Variants in DCC observed in about 807,000 individuals in gnomAD.
DCC encodes netrin receptor DCC.
A neutral mutation model predicts 172.5 loss-of-function variants in DCC; 58 were observed. That is an observed-to-expected ratio of 0.34 (90% confidence interval 0.27 to 0.42). DCC has a LOEUF of 0.42. Ranked by LOEUF, DCC falls within the 10% of genes least tolerant of loss-of-function variation. The pLI is 1.00. For synonymous variants in DCC, 709 were observed against 644.5 expected, an observed-to-expected ratio of 1.10 and a Z score of -1.52; for missense variants, 1,740 against 1,791.0, an observed-to-expected ratio of 0.97 and a Z score of 0.51.
intron 7 of DCC, among the ~76,000 whole-genome samples, chr18:53,118,878 G>A (rs1028248953): frequency 4.0e-5 from 6 of 151,662 alleles, no homozygotes; most frequent in South Asian, 2.1e-4. Context: ...TAATACACCC[G>A]TAAGGTAGAA....
At chr18:53,300,300 T>C (rs1028165098) in intron 12 of DCC, among the ~76,000 whole-genome samples, 7 of 152,174 alleles carry the variant, frequency 4.6e-5, no homozygotes, top group Admixed American at 2.0e-4. Context: ...AGTTGCCAAA[T>C]GTCCACGTTC....
chr18:53,522,259 C>T (rs981179871), intron 27 of DCC, among the ~76,000 whole-genome samples: 4 of 151,070 alleles, frequency 2.6e-5, no homozygotes, highest in Non-Finnish European at 2.9e-5. Flanking sequence ...CCAGGAACAC[C>T]GTGGTTATAG....
chr18:52,728,414 T>G (rs2036586548), intron 1 of DCC, among the ~76,000 whole-genome samples: 1 of 152,198 alleles, frequency 6.6e-6, no homozygotes, highest in Non-Finnish European at 1.5e-5. Flanking sequence ...ATTGCTTATG[T>G]GCTCCATCTC....
At chr18:52,957,109 G>T (rs1285695165) in intron 5 of DCC, among the ~76,000 whole-genome samples, 2 of 152,128 alleles carry the variant, frequency 1.3e-5, no homozygotes, top group Non-Finnish European at 2.9e-5. Context: ...AAATGGTGAA[G>T]ATATGTGAAA....
chr18:53,429,104 TAATATATATATTTTATATATATATA>T (rs953512307), intron 21 of DCC, among the ~76,000 whole-genome samples: 1 of 91,702 alleles, frequency 1.1e-5, no homozygotes, highest in African/African-American at 3.4e-5. Flanking sequence ...ATTTTATATA[TAATATATATATTTTATATATATATA>T]AATATATATA....
chr18:53,415,321 C>T (rs527581071), intron 20 of DCC, among the ~76,000 whole-genome samples: 11 of 152,130 alleles, frequency 7.2e-5, no homozygotes, highest in South Asian at 2.1e-4. Context: ...GAGTTAAATA[C>T]GCCCAAAAGA....
chr18:53,044,806 A>G (rs796961873), intron 5 of DCC, among the ~76,000 whole-genome samples: 18 of 151,986 alleles, frequency 1.2e-4, no homozygotes, highest in African/African-American at 4.3e-4. Flanking sequence ...TATGCATGCA[A>G]TAGTAGAAAG....
chr18:52,807,358 C>A (rs181249990), intron 2 of DCC, among the ~76,000 whole-genome samples: 4 of 152,290 alleles, frequency 2.6e-5, no homozygotes, highest in African/African-American at 4.8e-5. Flanking sequence ...AAAATACAAC[C>A]ATTTCCCAGA....
rs112069691 is a variant in DCC at position 53,320,882 on chromosome 18, A to G, written c.2054-1165A>G. Among the ~76,000 whole-genome samples, 530 of 152,298 alleles carry G rather than the reference A, an allele frequency of 3.5e-3. 1 individual carries two copies. The highest frequency in any genetic ancestry group is 6.6e-3 in the Non-Finnish European group (451 of 68,006). On this transcript the variant is annotated intron_variant, in intron 13 of 28. Coordinates refer to ENST00000442544, the MANE Select transcript of DCC (RefSeq NM_005215.4). ...TATGTCTTCATGGAGCTTCTAGTCT[A>G]TTTTATAAAATTAGAAGCTTCTTTA... is the stretch of plus-strand genomic sequence containing the variant.
At chr18:52,417,441 C>A (rs1167532605) in intron 1 of DCC, among the ~76,000 whole-genome samples, 1 of 152,100 alleles carries the variant, frequency 6.6e-6, no homozygotes, top group Non-Finnish European at 1.5e-5. Context: ...TGGGGAAGTT[C>A]TCCTGGATAA....
At chr18:53,115,594 C>G (rs952635176) in intron 7 of DCC, among the ~76,000 whole-genome samples, 2 of 151,578 alleles carry the variant, frequency 1.3e-5, no homozygotes, top group Non-Finnish European at 3.0e-5. Flanking sequence ...GTAAAAAATA[C>G]AAGCACTGTG....
intron 5 of DCC, among the ~76,000 whole-genome samples, chr18:53,031,536 A>G (rs1203906384): frequency 6.6e-6 from 1 of 152,136 alleles, no homozygotes; most frequent in East Asian, 1.9e-4. Context: ...ACTTTGCTGT[A>G]TATCTGCAGG....
At chr18:53,429,980 G>T (rs1482291417) in intron 21 of DCC, among the ~76,000 whole-genome samples, 4 of 151,982 alleles carry the variant, frequency 2.6e-5, no homozygotes, top group African/African-American at 4.8e-5. Context: ...TTTAAAATCA[G>T]CATTGTTATC....
rs956786122 is a variant in DCC at position 53,400,715 on chromosome 18, A to G, written c.2828-2071A>G. 1.1e-4 allele frequency among the ~76,000 whole-genome samples: 16 copies of G among 152,340 alleles called. 1 individual carries two copies. The South Asian group carries it at 3.1e-3, about 30-fold the overall frequency. ...TTCACATGACTTGAGGAAAAATAAGAGCTTGCACAGCACCTGAATTAGATT... is the reference window on the plus strand; with the variant it reads ...TTCACATGACTTGAGGAAAAATAAGGGCTTGCACAGCACCTGAATTAGATT... On this transcript the variant is annotated intron_variant, in intron 18 of 28. Transcript: ENST00000442544.
At chr18:53,010,546 A>G (rs111889310) in intron 5 of DCC, among the ~76,000 whole-genome samples, 3,474 of 151,580 alleles carry the variant, frequency 0.023, 52 homozygotes, top group Middle Eastern at 0.051. Flanking sequence ...ATTTGCATAC[A>G]TACTGTTTAC....
intron 1 of DCC, among the ~76,000 whole-genome samples, chr18:52,381,841 A>G (rs1985599329): frequency 6.6e-6 from 1 of 152,194 alleles, no homozygotes; most frequent in African/African-American, 2.4e-5. Context: ...CATCTTTAGC[A>G]TATTCCACCC....
chr18:52,374,640 G>T (rs1405572847), intron 1 of DCC, among the ~76,000 whole-genome samples: 3 of 152,122 alleles, frequency 2.0e-5, no homozygotes. Flanking sequence ...AAGGAAATGA[G>T]ATAATTTCCT....
chr18:52,894,382 A>G (rs2039697181), intron 2 of DCC, among the ~76,000 whole-genome samples: 1 of 138,822 alleles, frequency 7.2e-6, no homozygotes, highest in Admixed American at 8.1e-5. Context: ...TGGATTCCCC[A>G]GAAACAGGAC....
At chr18:52,478,414 G>T (rs964807885) in intron 1 of DCC, among the ~76,000 whole-genome samples, 1 of 152,162 alleles carries the variant, frequency 6.6e-6, no homozygotes, top group Non-Finnish European at 1.5e-5. Context: ...TCTCATGGGT[G>T]CATTTCACAC....
Sources: gnomAD v4.1 joint callset for allele counts (sites outside exome capture counted in the v4.1 genomes callset) on GRCh38, gnomAD v4.1.1 for gene constraint, MANE v1.5 for transcripts, NCBI Gene and HGNC (gene_info 2026-07-23, HGNC 2026-07-21) for gene names.